Variants in TTC23 observed in about 807,000 individuals in gnomAD.
The protein encoded by TTC23 is tetratricopeptide repeat domain 23.
Under a neutral mutation model 55.1 loss-of-function variants are expected in TTC23, and 58 were observed. The ratio of observed to expected loss-of-function variants is 1.05; its 90% confidence interval spans 0.85 to 1.31. TTC23 has a LOEUF of 1.31. TTC23 is among the 50% of genes most tolerant of loss of function. The pLI is 0.00. For missense variants in TTC23, 516 were observed against 534.4 expected (o/e 0.97, Z 0.34); for synonymous variants, 203 against 199.9 (o/e 1.02, Z -0.13).
intron 9 of TTC23, among the ~76,000 whole-genome samples, chr15:99,177,439 C>T (rs959689574): frequency 2.0e-5 from 3 of 152,154 alleles, no homozygotes; most frequent in African/African-American, 7.2e-5. Flanking sequence ...CTATGAAATT[C>T]AACTTCATGT....
chr15:99,176,537 C>T (rs970256294), intron 9 of TTC23, among the ~76,000 whole-genome samples: 2 of 151,778 alleles, frequency 1.3e-5, no homozygotes, highest in Non-Finnish European at 2.9e-5. Flanking sequence ...GCTTTGAGCC[C>T]GGGAGGTTGA....
At chr15:99,151,088 C>T (rs1414966902) in intron 12 of TTC23, among the ~76,000 whole-genome samples, 5 of 152,252 alleles carry the variant, frequency 3.3e-5, no homozygotes, top group Non-Finnish European at 7.4e-5. Context: ...GGGAGGTTAC[C>T]GTCTGTAACT....
intron 3 of TTC23, among the ~76,000 whole-genome samples, chr15:99,235,395 G>A (rs1183346420): frequency 1.4e-5 from 2 of 146,998 alleles, no homozygotes; most frequent in African/African-American, 2.5e-5. Flanking sequence ...TTTTTGAGAC[G>A]GAGTCTTGCT....
chr15:99,167,675 CT>C (rs2072318856), intron 10 of TTC23, among the ~76,000 whole-genome samples: 1 of 152,190 alleles, frequency 6.6e-6, no homozygotes, highest in Admixed American at 6.5e-5. Context: ...GAATGCAGGA[CT>C]GCAATGTGGC....
chr15:99,169,047 G>C (rs943052091), intron 10 of TTC23, among the ~76,000 whole-genome samples: 3 of 152,172 alleles, frequency 2.0e-5, no homozygotes, highest in African/African-American at 7.2e-5. Flanking sequence ...TCCTAATGCT[G>C]GTGAAAACAG....
At position 99,187,739 on chromosome 15, in the gene TTC23, T is replaced by C. The variant is rs185642821; in HGVS notation, c.759+12180A>G. 3.2e-4 allele frequency among the ~76,000 whole-genome samples: 49 copies of C among 152,200 alleles called. No homozygotes were observed. The East Asian group carries it at 8.9e-3, about 28-fold the overall frequency. On this transcript the variant is annotated intron_variant, in intron 9 of 13. Transcript: ENST00000394132. ...AATGGCCAATAAGCCTATGAAAAGA[T>C]GTGCTACATCATTAGTCATTAGGGA...
chr15:99,198,314 C>T (rs967042958), intron 9 of TTC23, among the ~76,000 whole-genome samples: 5 of 152,196 alleles, frequency 3.3e-5, no homozygotes, highest in African/African-American at 1.2e-4. Flanking sequence ...AATATCTACT[C>T]AGCAGTCCAG....
chr15:99,160,388 A>G (rs1429219867), intron 11 of TTC23: 1 of 152,222 alleles, frequency 6.6e-6, no homozygotes, highest in Non-Finnish European at 1.5e-5. Context: ...ATATGGGAAA[A>G]AACAATAAAA....
chr15:99,223,157 T>C, intron 5 of TTC23, among the ~76,000 whole-genome samples: 1 of 152,174 alleles, frequency 6.6e-6, no homozygotes. Context: ...CAGGCCACAG[T>C]CTAAAGGAAC....
At chr15:99,161,716 C>T in intron 11 of TTC23, 24 bp downstream of exon 11, 2 of 1,602,292 alleles carry the variant, frequency 1.2e-6, no homozygotes, top group African/African-American at 1.3e-5. Flanking sequence ...AATAACTAGA[C>T]AATTGTGATC....
chr15:99,154,176 A>G (rs2070225360), intron 12 of TTC23, among the ~76,000 whole-genome samples: 1 of 152,248 alleles, frequency 6.6e-6, no homozygotes, highest in Non-Finnish European at 1.5e-5. Context: ...TCAATGCTGC[A>G]TAAATTCTTT....
intron 9 of TTC23, among the ~76,000 whole-genome samples, chr15:99,183,354 C>G (rs2074336168): frequency 6.6e-6 from 1 of 150,616 alleles, no homozygotes; most frequent in Non-Finnish European, 1.5e-5. Context: ...CAGAGTCTCG[C>G]TCTGTCACCC....
chr15:99,202,615 T>G (rs1312140171), intron 8 of TTC23, among the ~76,000 whole-genome samples: 2 of 152,242 alleles, frequency 1.3e-5, no homozygotes, highest in Non-Finnish European at 2.9e-5. Flanking sequence ...GGAAAACTTG[T>G]AGCCACCTAC....
chr15:99,213,480 A>C (rs1286926305), intron 8 of TTC23, among the ~76,000 whole-genome samples: 1 of 152,236 alleles, frequency 6.6e-6, no homozygotes, highest in African/African-American at 2.4e-5. Context: ...ACACTGCTCA[A>C]TGTTAAATAC....
intron 13 of TTC23, chr15:99,139,093 C>G (rs1330562699): frequency 1.6e-6 from 1 of 639,986 alleles, no homozygotes; most frequent in African/African-American, 1.8e-5. Context: ...AAGACAACAT[C>G]CAGCATATAT....
chr15:99,136,515 G>A lies in TTC23; in HGVS notation c.*1495C>T, dbSNP rs2067601796. The A allele has an allele frequency of 6.6e-6, 1 of 152,232 alleles. No individual in the cohort carries two copies. The highest frequency in any genetic ancestry group is 1.5e-5 in the Non-Finnish European group (1 of 68,066). 9.4% of individuals were successfully genotyped at this position (152,232 alleles called of 1,614,324 possible). A position where few individuals can be genotyped will look rare whatever the true frequency, so the allele number is the denominator to read the frequency against. On this transcript the variant is annotated 3_prime_UTR_variant, in exon 14 of 14. Transcript: ENST00000394132. ...CTCTCTTCCGGGCCTGCAGACGGCTGTCTTCTCACTGTGTCCTCACATGGT... is the reference window on the plus strand; with the variant it reads ...CTCTCTTCCGGGCCTGCAGACGGCTATCTTCTCACTGTGTCCTCACATGGT...
intron 10 of TTC23, among the ~76,000 whole-genome samples, chr15:99,173,957 T>G (rs2073240598): frequency 6.6e-6 from 1 of 152,214 alleles, no homozygotes; most frequent in African/African-American, 2.4e-5. Flanking sequence ...AGGTATGGAA[T>G]AGAAAGTACT....
At chr15:99,199,853 G>GC in intron 9 of TTC23, 66 bp downstream of exon 9, 1 of 1,466,012 alleles carries the variant, frequency 6.8e-7, no homozygotes. Flanking sequence ...GAGCTGCTGT[G>GC]CCACTTGTGT....
intron 3 of TTC23, among the ~76,000 whole-genome samples, chr15:99,238,499 T>G (rs1032905317): frequency 2.0e-5 from 3 of 152,166 alleles, no homozygotes; most frequent in Admixed American, 6.5e-5. Context: ...CTTGCTTGTT[T>G]GGCTAAAAAG....
Sources: allele counts gnomAD v4.1 joint callset (sites outside exome capture counted in the v4.1 genomes callset), GRCh38; gene constraint gnomAD v4.1.1; transcripts MANE v1.5; gene names NCBI Gene and HGNC (gene_info 2026-07-23, HGNC 2026-07-21).